The following OSBPL8 variants were observed in gnomAD, a reference collection of about 807,000 sequenced individuals.
OSBPL8 encodes the protein oxysterol-binding protein-related protein 8.
OSBPL8 carries 59 observed loss-of-function variants against 125.5 expected under a neutral mutation model. The ratio of observed to expected loss-of-function variants is 0.47; its 90% CI spans 0.38 to 0.58. The LOEUF is 0.58. Ranked by LOEUF, OSBPL8 falls within the 20% of genes least tolerant of loss-of-function variation. The pLI is 0.00. For missense variants in OSBPL8, 758 were observed against 1,047.8 expected (o/e 0.72, Z 3.82); for synonymous variants, 330 against 338.9 (o/e 0.97, Z 0.29).
chr12:76,497,098 T>C (rs1449861681), intron 1 of OSBPL8, among the ~76,000 whole-genome samples: 1 of 152,204 alleles, frequency 6.6e-6, no homozygotes, highest in East Asian at 1.9e-4. Context: ...CATTCCACAA[T>C]ACATGAACTA....
intron 15 of OSBPL8, among the ~76,000 whole-genome samples, chr12:76,382,896 A>G (rs1461815731): frequency 2.6e-5 from 4 of 152,212 alleles, no homozygotes. Flanking sequence ...AAATTTTGCT[A>G]TCTCTAGGTC....
intron 3 of OSBPL8, among the ~76,000 whole-genome samples, chr12:76,456,506 TG>T (rs1346598828): frequency 6.6e-6 from 1 of 151,864 alleles, no homozygotes; most frequent in Non-Finnish European, 1.5e-5. Context: ...CAAAATTGGC[TG>T]GGCATGGTGG....
At chr12:76,468,382 T>G (rs1468069661) in intron 2 of OSBPL8, among the ~76,000 whole-genome samples, 2 of 152,234 alleles carry the variant, frequency 1.3e-5, no homozygotes, top group African/African-American at 2.4e-5. Flanking sequence ...TAGCTAAAAT[T>G]CTGTCTAGTA....
At chr12:76,378,717 T>C (rs1952923319) in intron 15 of OSBPL8, among the ~76,000 whole-genome samples, 167 bp from the exon 16 acceptor site, 1 of 152,140 alleles carries the variant, frequency 6.6e-6, no homozygotes, top group South Asian at 2.1e-4. Flanking sequence ...CCAAAACATA[T>C]TTCATCCATA....
chr12:76,444,551 C>A (rs1042781955), intron 4 of OSBPL8, among the ~76,000 whole-genome samples: 2 of 152,200 alleles, frequency 1.3e-5, no homozygotes, highest in Non-Finnish European at 2.9e-5. Context: ...GTGAAGAAAG[C>A]TATCTAGCTG....
At chr12:76,362,705 T>G (rs1380271438) in intron 21 of OSBPL8, among the ~76,000 whole-genome samples, 1 of 152,118 alleles carries the variant, frequency 6.6e-6, no homozygotes, top group Non-Finnish European at 1.5e-5. Flanking sequence ...GAGAAAGAAA[T>G]AGAGGGTATT....
rs74682763 is a variant in OSBPL8 at position 76,428,189 on chromosome 12, C to T, written c.218-17555G>A. The stretch of plus-strand genomic sequence containing the variant: ...ACATATATCATATATGGTCTAGTGG[C>T]TCTTTCCATTTGAAAATGGTAGACA... On this transcript the variant is annotated intron_variant, in intron 4 of 23. Transcript: ENST00000261183. 3.6e-4 allele frequency among the ~76,000 whole-genome samples: 54 copies of T among 152,092 alleles called. No homozygotes were observed. In the East Asian group the frequency reaches 9.9e-3, roughly 28 times the overall value.
chr12:76,555,753 T>C (rs1565995737), intron 1 of OSBPL8, among the ~76,000 whole-genome samples: 1 of 152,212 alleles, frequency 6.6e-6, no homozygotes, highest in Non-Finnish European at 1.5e-5. Context: ...CCAATTCAAA[T>C]TTTCTGACCC....
intron 4 of OSBPL8, chr12:76,422,926 C>T (rs12833506): frequency 0.012 from 2,467 of 199,510 alleles, 33 homozygotes; most frequent in Non-Finnish European, 0.019. Context: ...AATGTTTTAC[C>T]TTTTTATCAA....
intron 4 of OSBPL8, among the ~76,000 whole-genome samples, chr12:76,424,864 C>T (rs1163474006): frequency 6.6e-6 from 1 of 151,978 alleles, no homozygotes; most frequent in Non-Finnish European, 1.5e-5. Flanking sequence ...CTATATATAT[C>T]CCAAAAGTAC....
In OSBPL8 at chr12:76,402,718, T is replaced by C. The variant is rs761573913; in HGVS notation, c.337A>G (p.Ser113Gly). 19 of 1,608,454 alleles carry C rather than the reference T, an allele frequency of 1.2e-5. No homozygotes were observed. Among genetic ancestry groups the C allele is most frequent in the African/African-American group, 4.0e-5 (3 of 74,774 alleles). ...AGAGATTCTTTTTTTGTGAGTTTGC[T>C]TGAAGTTGAACTGTCCTTCTCTGAG... ...NGSEKDSSTS[S>G]KLTKKESLKV... Residue 113 changes from serine (S) to glycine (G), a missense_variant, in exon 6 of 24, where the codon AGC (serine) becomes GGC (glycine). Physicochemically the swap from Ser to Gly is moderately conservative, Grantham distance 56. Around this residue, in one of 3 missense-constraint regions of OSBPL8, gnomAD observed 117 missense variants for 137.1 expected, o/e 0.85. Transcript: ENST00000261183.
chr12:76,486,616 C>T (rs1878161452), intron 2 of OSBPL8, among the ~76,000 whole-genome samples: 1 of 152,158 alleles, frequency 6.6e-6, no homozygotes, highest in Admixed American at 6.5e-5. Flanking sequence ...GTCCATCCTA[C>T]TAGTGATTTT....
chr12:76,452,294 C>CA (rs1332804899), intron 3 of OSBPL8, among the ~76,000 whole-genome samples: 1 of 152,060 alleles, frequency 6.6e-6, no homozygotes, highest in Non-Finnish European at 1.5e-5. Flanking sequence ...AGTAAAAATA[C>CA]AAAAACACTT....
At chr12:76,371,642 T>C in intron 18 of OSBPL8, 58 bp from the exon 19 acceptor site, 2 of 1,401,146 alleles carry the variant, frequency 1.4e-6, no homozygotes, top group Non-Finnish European at 1.9e-6. Context: ...GGCAATTATA[T>C]AGTATAGTAA....
At chr12:76,423,048 C>T (rs573738862) in intron 4 of OSBPL8, 2 of 157,142 alleles carry the variant, frequency 1.3e-5, no homozygotes, top group East Asian at 1.8e-4. Context: ...ATCCTTTTAT[C>T]ATATCCATTA....
intron 12 of OSBPL8, among the ~76,000 whole-genome samples, chr12:76,388,043 AC>A (rs1206093350): frequency 1.3e-5 from 2 of 151,938 alleles, no homozygotes; most frequent in Non-Finnish European, 2.9e-5. Context: ...AACTATACAT[AC>A]TCTTCTGTAC....
intron 5 of OSBPL8, among the ~76,000 whole-genome samples, chr12:76,407,412 G>A (rs1453615549): frequency 2.0e-5 from 3 of 152,046 alleles, no homozygotes; most frequent in African/African-American, 4.8e-5. Flanking sequence ...CACCACACCC[G>A]GCTAATTTTT....
At chr12:76,452,105 G>GA (rs983138550) in intron 3 of OSBPL8, among the ~76,000 whole-genome samples, 38 of 151,574 alleles carry the variant, frequency 2.5e-4, no homozygotes, top group African/African-American at 9.2e-4. Context: ...CAACAAGAGC[G>GA]AAACTCCACC....
chr12:76,366,202 TG>T (rs1196612459), intron 21 of OSBPL8, among the ~76,000 whole-genome samples: 12 of 152,222 alleles, frequency 7.9e-5, no homozygotes, highest in African/African-American at 2.9e-4. Flanking sequence ...TGCAGCCACC[TG>T]AACTTGAATT....
Sources: gnomAD v4.1 joint callset for allele counts (sites outside exome capture counted in the v4.1 genomes callset) on GRCh38, gnomAD v4.1.1 for gene constraint, gnomAD v4.1.1 regional missense constraint, MANE v1.5 for transcripts, NCBI Gene and HGNC (gene_info 2026-07-23, HGNC 2026-07-21) for gene names.